Variants in UTRN observed in about 807,000 individuals in gnomAD.
UTRN encodes the protein utrophin.
UTRN carries 283 observed loss-of-function variants against 463.9 expected under a neutral mutation model. The observed-to-expected ratio is 0.61, with a 90% CI of 0.55 to 0.67. The LOEUF (loss-of-function observed/expected upper bound fraction) is 0.67. UTRN is among the 30% of genes least tolerant of loss of function. The pLI is 0.00. For synonymous variants in UTRN, 1,442 were observed against 1,431.5 expected (o/e 1.01, Z -0.17); for missense variants, 3,922 against 4,084.3 (o/e 0.96, Z 1.08).
chr6:144,570,568 A>G (rs1225367317), intron 50 of UTRN, among the ~76,000 whole-genome samples: 1 of 152,190 alleles, frequency 6.6e-6, no homozygotes, highest in African/African-American at 2.4e-5. Context: ...TTACAAAACA[A>G]CTAAAATTTG....
chr6:144,300,281 G>A (rs896600093), intron 2 of UTRN, among the ~76,000 whole-genome samples: 3 of 151,984 alleles, frequency 2.0e-5, no homozygotes, highest in African/African-American at 7.3e-5. Context: ...GTAGAGATGG[G>A]GTTTCACCAT....
intron 53 of UTRN, among the ~76,000 whole-genome samples, chr6:144,712,981 A>G (rs1785908090): frequency 6.6e-6 from 1 of 152,236 alleles, no homozygotes; most frequent in South Asian, 2.1e-4. Context: ...TAAGACTGAA[A>G]GAAGAAAATA....
chr6:144,533,278 G>A lies in UTRN; in HGVS notation c.6233+18G>A. On this transcript the variant is annotated intron_variant, in intron 43 of 74. Transcript: ENST00000367545. ...CAGCCAAGGTGATTTAGCTATGATT[G>A]TTTGCAGGCACAGGAGTGAACATAT... 1.9e-6 allele frequency: 3 copies of A among 1,612,930 alleles called. No homozygotes were observed. The highest frequency in any genetic ancestry group is 1.7e-5 in the Admixed American group (1 of 59,946).
intron 52 of UTRN, among the ~76,000 whole-genome samples, chr6:144,698,323 G>A (rs1228533421): frequency 1.3e-5 from 2 of 152,298 alleles, no homozygotes; most frequent in Non-Finnish European, 2.9e-5. Context: ...TGTAGCACCT[G>A]TGGAATAAAT....
rs1451873742 is a variant in UTRN at position 144,662,676 on chromosome 6, A to G, written c.7480-15730A>G. On this transcript the variant is annotated intron_variant, in intron 51 of 74. Transcript: ENST00000367545. Reference sequence around the variant, plus strand: ...CGAGGGTCCACTGTTGGACTAGTAGACTCAAATCCTGATACGCTTAGTAGT... The same window carrying G: ...CGAGGGTCCACTGTTGGACTAGTAGGCTCAAATCCTGATACGCTTAGTAGT... 5.3e-5 allele frequency among the ~76,000 whole-genome samples: 8 copies of G among 152,270 alleles called. No homozygotes were observed. The East Asian group carries it at 1.5e-3, about 29-fold the overall frequency.
In UTRN at chr6:144,438,894, A is replaced by G; in HGVS notation, c.1391A>G (p.Lys464Arg). The G allele has an allele frequency of 6.2e-7, 1 of 1,614,044 alleles. No homozygotes were observed. Among genetic ancestry groups the G allele is most frequent in the Non-Finnish European group, 8.5e-7 (1 of 1,179,978 alleles). Reference sequence around the variant, plus strand: ...CTACAAAAGCTGCTAGAAGAACATAAAGTAAATCTGTCTCATATTTCTTCG... The same window carrying G: ...CTACAAAAGCTGCTAGAAGAACATAGAGTAAATCTGTCTCATATTTCTTCG... ...KSLQKLLEEHKSLQSDLEAEQ... is the reference protein window; with the variant it reads ...KSLQKLLEEHRSLQSDLEAEQ... The change falls in exon 12 of 75, where the codon AAA becomes AGA. Residue 464 changes from lysine (K) to arginine (R), a missense_variant and splice_region_variant. Physicochemically the swap from Lys to Arg is conservative, Grantham distance 26. Transcript: ENST00000367545.
intron 50 of UTRN, among the ~76,000 whole-genome samples, chr6:144,564,277 A>G (rs1396480553): frequency 6.6e-6 from 1 of 152,200 alleles, no homozygotes; most frequent in Non-Finnish European, 1.5e-5. Flanking sequence ...AAATTTAGAA[A>G]GCATAACTTG....
At chr6:144,775,565 G>A (rs1775250858) in intron 60 of UTRN, among the ~76,000 whole-genome samples, 1 of 152,126 alleles carries the variant, frequency 6.6e-6, no homozygotes, top group South Asian at 2.1e-4. Context: ...AAGAGAATAG[G>A]AAGTAAATTA....
In UTRN at chr6:144,522,186, A is replaced by G; in HGVS notation, c.5733+15A>G. The G allele has an allele frequency of 6.8e-7, 1 of 1,477,054 alleles. No homozygotes were observed. The highest frequency in any genetic ancestry group is 9.0e-7 in the Non-Finnish European group (1 of 1,112,974). The allele number at this position is 1,477,054 out of a possible 1,614,324, so 91.5% of individuals were successfully genotyped here. Reference sequence around the variant, plus strand: ...ACTCTCTGAAGGTAGACCTCTGGGCACTGTGTTTGAATGGCCACAGTTAAT... The same window carrying G: ...ACTCTCTGAAGGTAGACCTCTGGGCGCTGTGTTTGAATGGCCACAGTTAAT... On this transcript the variant is annotated intron_variant, in intron 40 of 74. Transcript: ENST00000367545.
chr6:144,768,177 T>C (rs1393256237), intron 58 of UTRN, among the ~76,000 whole-genome samples: 1 of 152,190 alleles, frequency 6.6e-6, no homozygotes, highest in African/African-American at 2.4e-5. Context: ...CTTTTTTTGT[T>C]TTATTTGTTG....
chr6:144,709,360 C>A (rs1045035874), intron 53 of UTRN, among the ~76,000 whole-genome samples: 2 of 152,016 alleles, frequency 1.3e-5, no homozygotes, highest in African/African-American at 4.8e-5. Flanking sequence ...ATTATAAATT[C>A]TGTTAGTATT....
intron 62 of UTRN, among the ~76,000 whole-genome samples, chr6:144,793,481 C>G (rs941562390): frequency 1.3e-5 from 2 of 151,902 alleles, no homozygotes; most frequent in Admixed American, 6.6e-5. Flanking sequence ...AAGGGGAGTT[C>G]TTATGAAGAT....
At position 144,710,432 on chromosome 6, in the gene UTRN, G is replaced by C. The variant is rs943150118; in HGVS notation, c.7809+10189G>C. 2.6e-5 allele frequency among the ~76,000 whole-genome samples: 4 copies of C among 152,188 alleles called. No individual in the cohort carries two copies. In the East Asian group the frequency reaches 7.7e-4, roughly 29 times the overall value. ...GCTCAAAACCCTTCTCTTACACACAGAAATGAGTGATTCACAGATTGGCAT... is the reference window on the plus strand; with the variant it reads ...GCTCAAAACCCTTCTCTTACACACACAAATGAGTGATTCACAGATTGGCAT... On this transcript the variant is annotated intron_variant, in intron 53 of 74. Transcript: ENST00000367545.
intron 51 of UTRN, among the ~76,000 whole-genome samples, chr6:144,598,723 A>G (rs899188834): frequency 1.1e-4 from 16 of 152,164 alleles, no homozygotes; most frequent in Admixed American, 3.9e-4. Context: ...TGTTTTGTCA[A>G]TCATAAGGTC....
At chr6:144,553,490 A>AAGCATCTTTCAGCAG (rs1799108645) in intron 48 of UTRN, among the ~76,000 whole-genome samples, 2 of 152,190 alleles carry the variant, frequency 1.3e-5, no homozygotes, top group African/African-American at 4.8e-5. Flanking sequence ...CTGATATCCA[A>AAGCATCTTTCAGCAG]AGCATCTTTC....
intron 51 of UTRN, among the ~76,000 whole-genome samples, chr6:144,593,917 T>A (rs1374898832): frequency 6.6e-6 from 1 of 152,178 alleles, no homozygotes; most frequent in Admixed American, 6.6e-5. Context: ...CAAAAAGGAA[T>A]TCTAAAAAAG....
intron 66 of UTRN, among the ~76,000 whole-genome samples, chr6:144,825,347 A>G (rs1340737143): frequency 6.6e-6 from 1 of 152,160 alleles, no homozygotes; most frequent in Non-Finnish European, 1.5e-5. Context: ...CTTTGTAATG[A>G]TAGGTTGTAA....
intron 51 of UTRN, among the ~76,000 whole-genome samples, chr6:144,585,169 GTCAC>G (rs1802345113): frequency 6.6e-6 from 1 of 151,804 alleles, no homozygotes; most frequent in Admixed American, 6.6e-5. Context: ...CACAAGTTAA[GTCAC>G]TGAAGTCATT....
At chr6:144,810,214 G>A (rs1778491749) in intron 65 of UTRN, among the ~76,000 whole-genome samples, 1 of 152,146 alleles carries the variant, frequency 6.6e-6, no homozygotes, top group Non-Finnish European at 1.5e-5. Flanking sequence ...AGGGAAGAAG[G>A]ATGGGAGAAG....
Sources: gnomAD v4.1 joint callset for allele counts (sites outside exome capture counted in the v4.1 genomes callset) on GRCh38, gnomAD v4.1.1 for gene constraint, MANE v1.5 for transcripts, NCBI Gene and HGNC (gene_info 2026-07-23, HGNC 2026-07-21) for gene names.